Variants in KALRN observed in about 807,000 individuals in gnomAD.
KALRN encodes kalirin RhoGEF kinase, also known as kalirin.
KALRN carries 70 observed loss-of-function variants against 353.7 expected under a neutral mutation model. The observed-to-expected ratio is 0.20, with a 90% CI of 0.16 to 0.24. The LOEUF (loss-of-function observed/expected upper bound fraction) is 0.24, where lower values mean the gene tolerates loss of function less well. Among genes scored for constraint, KALRN ranks in the 10% least tolerant of loss-of-function variants. The pLI, the probability that KALRN is intolerant of heterozygous loss-of-function variation, is 1.00. For missense variants in KALRN, 2,791 were observed against 3,756.7 expected, an observed-to-expected ratio of 0.74 and a Z score of 6.72; for synonymous variants, 1,391 against 1,434.8, an observed-to-expected ratio of 0.97 and a Z score of 0.69.
intron 58 of KALRN, among the ~76,000 whole-genome samples, chr3:124,714,900 C>T (rs1579084843): frequency 6.6e-6 from 1 of 151,886 alleles, no homozygotes; most frequent in East Asian, 1.9e-4. Flanking sequence ...CCTGTAATCC[C>T]AGCTACTCGG....
At chr3:124,375,391 T>C (rs2086451744) in intron 10 of KALRN, among the ~76,000 whole-genome samples, 1 of 152,204 alleles carries the variant, frequency 6.6e-6, no homozygotes, top group Non-Finnish European at 1.5e-5. Context: ...GTCCCCTTGC[T>C]CTCTGCACCA....
intron 33 of KALRN, among the ~76,000 whole-genome samples, chr3:124,551,691 A>G (rs1025829796): frequency 2.0e-5 from 3 of 152,226 alleles, no homozygotes; most frequent in African/African-American, 7.2e-5. Flanking sequence ...GTAAGAGCCA[A>G]TCACTTTCTG....
Position 124,191,756 on chromosome 3 carries a change from G to A in KALRN, c.74-36234G>A, listed in dbSNP as rs150219841. Among the ~76,000 whole-genome samples the A allele has an allele frequency of 1.1e-3, 164 of 152,278 alleles. No individual in the cohort carries two copies. In the Middle Eastern group the frequency reaches 0.041, roughly 38 times the overall value. On this transcript the variant is annotated intron_variant, in intron 1 of 59. Coordinates refer to ENST00000682506, the MANE Select transcript of KALRN (RefSeq NM_001388419.1). ...AGCCAGACTTCCTATTTGGTGGTAG[G>A]CTTTTCCAAATGTGAATGTTTCAGG... is the stretch of plus-strand genomic sequence containing the variant.
chr3:124,402,047 G>A (rs1054084401), intron 13 of KALRN, among the ~76,000 whole-genome samples: 1 of 152,102 alleles, frequency 6.6e-6, no homozygotes, highest in African/African-American at 2.4e-5. Context: ...TGATAGACAT[G>A]CTCCAAATTC....
chr3:124,299,254 C>T (rs893940309), intron 6 of KALRN, among the ~76,000 whole-genome samples: 3 of 152,054 alleles, frequency 2.0e-5, no homozygotes, highest in Admixed American at 6.6e-5. Flanking sequence ...AGTCACTGAT[C>T]GGGGATGGTG....
chr3:124,426,320 G>A (rs762441511), intron 15 of KALRN, among the ~76,000 whole-genome samples: 2 of 152,192 alleles, frequency 1.3e-5, no homozygotes, highest in Non-Finnish European at 2.9e-5. Context: ...ACAGTAGCTT[G>A]AGAGTCTCTT....
chr3:124,409,621 C>T (rs4333034), intron 13 of KALRN, among the ~76,000 whole-genome samples: 149,164 of 152,248 alleles, frequency 0.98, 73,146 homozygotes, highest in East Asian at 1. Flanking sequence ...GACTGGTTCA[C>T]AACAAGAGCA....
intron 1 of KALRN, among the ~76,000 whole-genome samples, chr3:124,051,314 G>T (rs1429022559): frequency 1.3e-5 from 2 of 152,168 alleles, no homozygotes; most frequent in African/African-American, 4.8e-5. Context: ...TTGGTGTTTT[G>T]GTCTGATAAA....
intron 29 of KALRN, 162 bp downstream of exon 29, chr3:124,488,477 A>T: frequency 1.7e-6 from 1 of 601,874 alleles, no homozygotes; most frequent in East Asian, 2.8e-5. Flanking sequence ...GAGGGGCTCC[A>T]CAAGGACCAA....
intron 1 of KALRN, among the ~76,000 whole-genome samples, chr3:124,181,861 A>G (rs1373599891): frequency 6.6e-6 from 1 of 152,228 alleles, no homozygotes; most frequent in African/African-American, 2.4e-5. Context: ...AAGCCAAGTC[A>G]AGTGGTAGAG....
At chr3:124,143,997 G>C (rs1292326484) in intron 1 of KALRN, among the ~76,000 whole-genome samples, 1 of 152,126 alleles carries the variant, frequency 6.6e-6, no homozygotes, top group Admixed American at 6.5e-5. Flanking sequence ...TGTTCTCCTT[G>C]GACCTAACAT....
intron 1 of KALRN, among the ~76,000 whole-genome samples, chr3:124,158,771 T>A (rs921687938): frequency 1.3e-5 from 2 of 152,152 alleles, no homozygotes; most frequent in Non-Finnish European, 2.9e-5. Context: ...TTCACTTGGC[T>A]TTTGCAAGGC....
chr3:124,039,664 T>G lies in KALRN; in HGVS notation c.73+5851T>G, dbSNP rs369672050. Among the ~76,000 whole-genome samples the G allele has an allele frequency of 3.9e-5, 6 of 152,360 alleles. No homozygotes were observed. In the South Asian group the frequency reaches 6.2e-4, roughly 16 times the overall value. ...GAGATTTGGGAATAACAATCTATGT[T>G]GGTATGCAATTCCTTGAGTAAATGT... is the stretch of plus-strand genomic sequence containing the variant. On this transcript the variant is annotated intron_variant, in intron 1 of 59. Coordinates refer to ENST00000682506, the MANE Select transcript of KALRN (RefSeq NM_001388419.1).
At position 124,236,175 on chromosome 3, in the gene KALRN, G is replaced by T. The variant is rs369458050; in HGVS notation, c.263+1232G>T. 7.2e-5 allele frequency among the ~76,000 whole-genome samples: 11 copies of T among 151,986 alleles called. 1 individual carries two copies. The South Asian group carries it at 2.3e-3, about 32-fold the overall frequency. On this transcript the variant is annotated intron_variant, in intron 3 of 59. Transcript: ENST00000682506. ...TTTTTTTCTTTATGATATCCACTGG[G>T]AACAGAAAAAACATAAAAGGTCTTA...
chr3:124,495,992 TATATATATATATATATATATACAC>T (rs1438104875), intron 32 of KALRN, among the ~76,000 whole-genome samples: 3 of 55,932 alleles, frequency 5.4e-5, no homozygotes, highest in South Asian at 6.9e-4. Flanking sequence ...TATATATATA[TATATATATATATATATATATACAC>T]ACACATATAT....
intron 6 of KALRN, among the ~76,000 whole-genome samples, chr3:124,307,646 T>C (rs767736949): frequency 5.9e-5 from 9 of 151,574 alleles, no homozygotes; most frequent in South Asian, 2.1e-4. Context: ...AAAAAATCAA[T>C]CAGTAAAGAT....
chr3:124,523,503 G>A (rs551805614), intron 33 of KALRN, among the ~76,000 whole-genome samples: 7 of 152,288 alleles, frequency 4.6e-5, no homozygotes, highest in Admixed American at 1.3e-4. Context: ...AAACCTGCTG[G>A]GGGAAAACAC....
chr3:124,259,660 CAGGCACTGTAGT>C (rs1287595614), intron 3 of KALRN, among the ~76,000 whole-genome samples: 2 of 152,150 alleles, frequency 1.3e-5, no homozygotes, highest in African/African-American at 4.8e-5. Context: ...TTGTTTGCAC[CAGGCACTGTAGT>C]AGGCACTGAA....
chr3:124,624,812 A>G (rs1354100539), intron 34 of KALRN, among the ~76,000 whole-genome samples: 1 of 152,196 alleles, frequency 6.6e-6, no homozygotes, highest in Non-Finnish European at 1.5e-5. Flanking sequence ...TATTCTAGGA[A>G]GAGATTGCAG....
Sources: allele counts gnomAD v4.1 joint callset (sites outside exome capture counted in the v4.1 genomes callset), GRCh38; gene constraint gnomAD v4.1.1; transcripts MANE v1.5; gene names NCBI Gene and HGNC (gene_info 2026-07-23, HGNC 2026-07-21).